Variants in ANKRD30B observed in about 807,000 individuals in gnomAD.
The protein encoded by ANKRD30B is ankyrin repeat domain-containing protein 30B.
ANKRD30B carries 144 observed loss-of-function variants against 202.2 expected under a neutral mutation model. The observed-to-expected ratio is 0.71, with a 90% confidence interval of 0.62 to 0.82. The LOEUF is 0.82. Among genes scored for constraint, ANKRD30B ranks in the 40% least tolerant of loss-of-function variants. ANKRD30B has a pLI of 0.00. For synonymous variants in ANKRD30B, 508 were observed against 561.3 expected (o/e 0.91, Z 1.34); for missense variants, 1,487 against 1,669.1 (o/e 0.89, Z 1.90).
chr18:14,878,114 C>A, the ANKRD30B span, among the ~76,000 whole-genome samples: 1 of 152,150 alleles, frequency 6.6e-6, no homozygotes, highest in East Asian at 1.9e-4. Context: ...GAGGTCCTAC[C>A]AGCTCATCTT....
chr18:14,776,303 A>G lies in ANKRD30B; in HGVS notation c.1330-1682A>G, dbSNP rs542662775. Among the ~76,000 whole-genome samples the G allele has an allele frequency of 2.0e-5, 3 of 152,344 alleles. No individual in the cohort carries two copies. In the South Asian group the frequency reaches 6.2e-4, roughly 32 times the overall value. ...TAGTAGTAGGAAGAGAATAACAAAT[A>G]AAAAACACTTATAAGCCACTATAAC... On this transcript the variant is annotated intron_variant, in intron 9 of 43. Coordinates refer to ENST00000690538, the MANE Select transcript of ANKRD30B (RefSeq NM_001367607.2).
intron 16 of ANKRD30B, among the ~76,000 whole-genome samples, chr18:14,792,745 TA>T (rs1968611988): frequency 6.6e-6 from 1 of 151,560 alleles, no homozygotes; most frequent in Non-Finnish European, 1.5e-5. Flanking sequence ...TATATATATA[TA>T]TATGTATATA....
chr18:14,763,324 G>T, intron 6 of ANKRD30B, among the ~76,000 whole-genome samples: 1 of 152,142 alleles, frequency 6.6e-6, no homozygotes, highest in East Asian at 1.9e-4. Flanking sequence ...CAAGGCAGAT[G>T]AATTGCTTGA....
At chr18:14,836,136 T>C (rs1054111293) in intron 34 of ANKRD30B, among the ~76,000 whole-genome samples, 2 of 152,194 alleles carry the variant, frequency 1.3e-5, no homozygotes, top group African/African-American at 4.8e-5. Flanking sequence ...ATATTTATTT[T>C]CTAATCACTA....
intron 11 of ANKRD30B, among the ~76,000 whole-genome samples, chr18:14,781,091 T>C (rs1276998219): frequency 6.6e-6 from 1 of 152,232 alleles, no homozygotes; most frequent in South Asian, 2.1e-4. Context: ...ATCTAATTTG[T>C]CCATAGACCA....
At chr18:14,920,895 C>T in the ANKRD30B span, among the ~76,000 whole-genome samples, 1 of 152,222 alleles carries the variant, frequency 6.6e-6, no homozygotes, top group African/African-American at 2.4e-5. Flanking sequence ...AGAGCATTTA[C>T]ATGTCACACA....
intron 4 of ANKRD30B, among the ~76,000 whole-genome samples, chr18:14,756,036 C>T (rs1283546913): frequency 6.6e-6 from 1 of 152,144 alleles, no homozygotes; most frequent in Non-Finnish European, 1.5e-5. Flanking sequence ...TAAAAGTGTT[C>T]CTATTTCTCC....
intron 30 of ANKRD30B, among the ~76,000 whole-genome samples, chr18:14,820,188 C>T (rs1438026441): frequency 6.6e-6 from 1 of 152,122 alleles, no homozygotes; most frequent in Non-Finnish European, 1.5e-5. Flanking sequence ...TATAAGAATG[C>T]TTGTGATTTT....
At chr18:14,791,549 A>T in intron 16 of ANKRD30B, 58 bp downstream of exon 16, 1 of 1,361,090 alleles carries the variant, frequency 7.3e-7, no homozygotes. Context: ...TAAACTGATG[A>T]GGAAGGATAT....
At chr18:14,901,276 C>G in the ANKRD30B span, among the ~76,000 whole-genome samples, 1 of 152,294 alleles carries the variant, frequency 6.6e-6, no homozygotes, top group East Asian at 1.9e-4. Flanking sequence ...CAAAAATTTA[C>G]TTCTTTTACA....
chr18:14,772,966 T>A (rs895201369), intron 9 of ANKRD30B, among the ~76,000 whole-genome samples: 13 of 152,040 alleles, frequency 8.6e-5, no homozygotes, highest in Admixed American at 5.2e-4. Flanking sequence ...TAAAAATAAT[T>A]GTAGAAATTT....
the ANKRD30B span, among the ~76,000 whole-genome samples, chr18:14,900,015 T>C: frequency 4.6e-5 from 7 of 152,148 alleles, no homozygotes; most frequent in African/African-American, 1.7e-4. Flanking sequence ...GATGTGTTTG[T>C]GGAGGCACTC....
intron 34 of ANKRD30B, among the ~76,000 whole-genome samples, chr18:14,833,724 C>A (rs1971055172): frequency 1.3e-5 from 2 of 152,108 alleles, no homozygotes; most frequent in Admixed American, 6.6e-5. Context: ...TACTGATCAG[C>A]AATATTATTA....
intron 8 of ANKRD30B, among the ~76,000 whole-genome samples, chr18:14,771,363 C>T (rs867456922): frequency 3.3e-5 from 5 of 152,240 alleles, no homozygotes; most frequent in Middle Eastern, 6.8e-3. Context: ...TATCAGGTCT[C>T]AGTTTTTCTA....
At chr18:14,908,529 C>T in the ANKRD30B span, among the ~76,000 whole-genome samples, 11 of 152,192 alleles carry the variant, frequency 7.2e-5, no homozygotes, top group Non-Finnish European at 1.3e-4. Flanking sequence ...AGCCACTCTG[C>T]GCCTCACTGT....
chr18:14,916,835 A>G, the ANKRD30B span, among the ~76,000 whole-genome samples: 137 of 152,270 alleles, frequency 9.0e-4, 1 homozygote, highest in Non-Finnish European at 8.8e-5. Flanking sequence ...AATGTTCTTA[A>G]TGATCCTGCA....
chr18:14,932,868 A>C, the ANKRD30B span, among the ~76,000 whole-genome samples: 2 of 152,188 alleles, frequency 1.3e-5, no homozygotes, highest in African/African-American at 4.8e-5. Flanking sequence ...ATAAATTCTT[A>C]AGAACGTATT....
the ANKRD30B span, among the ~76,000 whole-genome samples, chr18:14,875,482 G>T: frequency 6.6e-6 from 1 of 152,108 alleles, no homozygotes; most frequent in Non-Finnish European, 1.5e-5. Flanking sequence ...CTTATTGAGC[G>T]CTTACTGTGT....
Position 14,851,885 on chromosome 18 carries a change from C to G in ANKRD30B, c.3941C>G (p.Ser1314Ter). The G allele has an allele frequency of 6.3e-7, 1 of 1,590,442 alleles. No homozygotes were observed. Among genetic ancestry groups the G allele is most frequent in the Non-Finnish European group, 8.6e-7 (1 of 1,167,198 alleles). The change falls in exon 42 of 44, where the codon TCA becomes TGA. Residue 1314 changes from serine to a stop codon, truncating the protein, a stop_gained. Coordinates refer to ENST00000690538, the MANE Select transcript of ANKRD30B (RefSeq NM_001367607.2). LOFTEE classifies it high-confidence loss of function. ...CAAGACCATGATCAAAGTGTCACAT[C>G]AAGAAAAAACCAAGAACTTGCTTTC... ...ALQDHDQSVT[S>*]RKNQELAFHS...
Sources: allele counts gnomAD v4.1 joint callset (sites outside exome capture counted in the v4.1 genomes callset), GRCh38; gene constraint gnomAD v4.1.1; transcripts MANE v1.5; gene names NCBI Gene and HGNC (gene_info 2026-07-23, HGNC 2026-07-21).